MYL5: variants seen among roughly 807,000 people sequenced by gnomAD.
The protein encoded by MYL5 is myosin light chain 5.
A neutral mutation model predicts 20.8 loss-of-function variants in MYL5; 28 were observed. The ratio of observed to expected loss-of-function variants is 1.35; its 90% confidence interval spans 1.00 to 1.84. The LOEUF is 1.84. Among genes scored for constraint, MYL5 ranks in the 40% most tolerant of loss-of-function variants. The pLI, the probability that MYL5 is intolerant of heterozygous loss-of-function variation, is 0.00. For missense variants in MYL5, 274 were observed against 227.3 expected, an observed-to-expected ratio of 1.21 and a Z score of -1.32; for synonymous variants, 118 against 87.4, an observed-to-expected ratio of 1.35 and a Z score of -1.95.
At position 679,965 on chromosome 4, in the gene MYL5, CG is replaced by C. The variant is rs750440096; in HGVS notation, c.243del (p.Ile83SerfsTer7). 1 of 1,613,528 alleles carries C rather than the reference CG, an allele frequency of 6.2e-7. No individual in the cohort carries two copies. The highest frequency in any genetic ancestry group is 8.5e-7 in the Non-Finnish European group (1 of 1,179,856). On this transcript the variant is annotated frameshift_variant, in exon 4 of 7. Transcript: ENST00000400159. LOFTEE classifies it high-confidence loss of function. ...CTGGACGCCATGCTCAAAGAGGCCT[CG>C]GGGCCCATCAACTTCACCATGTTTC...
Position 679,987 on chromosome 4 carries a change from G to A in MYL5, c.261G>A (p.Met87Ile), listed in dbSNP as rs987293988. Residue 87 changes from methionine (M) to isoleucine (I), a missense_variant, in exon 4 of 7, where the codon ATG (methionine) becomes ATA (isoleucine). Physicochemically the swap from Met to Ile is conservative, Grantham distance 10. Transcript: ENST00000400159. ...CCTCGGGGCCCATCAACTTCACCATGTTTCTGAACCTGTTTGGGGAGAAGC... is the reference window on the plus strand; with the variant it reads ...CCTCGGGGCCCATCAACTTCACCATATTTCTGAACCTGTTTGGGGAGAAGC... 5 of 1,613,410 alleles carry A rather than the reference G, an allele frequency of 3.1e-6. No individual in the cohort carries two copies. The highest frequency in any genetic ancestry group is 1.7e-5 in the Admixed American group (1 of 59,928).
At position 681,088 on chromosome 4, in the gene MYL5, T is replaced by G. The variant is rs1200624675; in HGVS notation, c.372-4T>G. 2 of 1,600,192 alleles carry G rather than the reference T, an allele frequency of 1.2e-6. No homozygotes were observed. Among genetic ancestry groups the G allele is most frequent in the East Asian group, 2.2e-5 (1 of 44,480 alleles). ...CCCGCGCTGACCCCTTTCCTCGTCC[T>G]CAGCATCAAGCGTCTGCTGATGTCC... On this transcript the variant is annotated splice_polypyrimidine_tract_variant and splice_region_variant and intron_variant, in intron 5 of 6. Coordinates refer to ENST00000400159, the Ensembl canonical transcript of MYL5.
At position 678,667 on chromosome 4, in the gene MYL5, A is replaced by G. The variant is rs1253147856; in HGVS notation, c.13A>G (p.Lys5Glu). Residue 5 changes from lysine (K) to glutamate (E), a missense_variant, in exon 2 of 7, where the codon AAG (lysine) becomes GAG (glutamate). Physicochemically the swap from Lys to Glu is moderately conservative, Grantham distance 56. Transcript: ENST00000400159. ...GGTGCTCCCACCGCAGGCCAGCAGG[A>G]AGACCAAGAAGAAGGAAGGGGGTGC... 1.9e-6 allele frequency: 3 copies of G among 1,608,446 alleles called. No individual in the cohort carries two copies. In the South Asian group the frequency reaches 3.3e-5, roughly 18 times the overall value.
At chr4:679,416 G>C (rs191717620) in intron 3 of MYL5, among the ~76,000 whole-genome samples, 68 of 152,358 alleles carry the variant, frequency 4.5e-4, no homozygotes, top group Admixed American at 3.0e-3. Flanking sequence ...AGCTGACAGA[G>C]GGCGTGGAGA....
intron 1 of MYL5, 171 bp from the exon 4 acceptor site, chr4:678,487 A>T (rs1393437745): frequency 1.4e-6 from 2 of 1,437,734 alleles, no homozygotes; most frequent in Non-Finnish European, 1.8e-6. Flanking sequence ...TCCTGCCCCC[A>T]ACCCCAGCTA....
upstream of MYL5, chr4:676,036 C>T (rs954971961): frequency 2.0e-4 from 31 of 152,282 alleles, no homozygotes; most frequent in African/African-American, 7.5e-4. Flanking sequence ...TCCCTGAAGA[C>T]TCCTGCCTGA....
chr4:677,996 G>A (rs773083595), exon 1 of MYL5: 1 of 1,613,432 alleles, frequency 6.2e-7, no homozygotes, highest in South Asian at 1.1e-5. Context: ...TGGGGCCCTG[G>A]GCAGACGCAT....
At chr4:680,687 C>A in intron 5 of MYL5, 100 bp downstream of exon 7, 3 of 1,222,986 alleles carry the variant, frequency 2.5e-6, no homozygotes, top group Non-Finnish European at 1.2e-6. Flanking sequence ...CCACGCCCAC[C>A]TCCCCACCTC....
intron 1 of MYL5, chr4:678,407 G>A (rs1421409681): frequency 3.5e-6 from 5 of 1,419,704 alleles, no homozygotes; most frequent in Non-Finnish European, 4.6e-6. Context: ...TGACCACTGT[G>A]CTCTGTGGGC....
intron 3 of MYL5, among the ~76,000 whole-genome samples, chr4:679,506 T>A (rs1199513058): frequency 6.6e-6 from 1 of 152,096 alleles, no homozygotes; most frequent in East Asian, 1.9e-4. Context: ...CTGCGGCACA[T>A]TCTGTTCCCA....
At chr4:678,632 C>G (rs777849199) in intron 1 of MYL5, 26 bp from the exon 4 acceptor site, 2 of 1,588,102 alleles carry the variant, frequency 1.3e-6, no homozygotes, top group Non-Finnish European at 1.7e-6. Flanking sequence ...AGCCCAGGAC[C>G]CTCAGCCATG....
chr4:681,343 C>T (rs1275859962), intron 6 of MYL5, among the ~76,000 whole-genome samples: 15 of 152,104 alleles, frequency 9.9e-5, no homozygotes, highest in Admixed American at 8.5e-4. Flanking sequence ...GAGACCCCTC[C>T]CCTCCGTTAG....
chr4:681,011 G>T, intron 5 of MYL5, 81 bp from the exon 8 acceptor site: 1 of 1,491,786 alleles, frequency 6.7e-7, no homozygotes. Flanking sequence ...ACAACCTGGG[G>T]CCCCTGGAGC....
At chr4:675,606 C>G (rs895169632), upstream of MYL5, 2 of 152,654 alleles carry the variant, frequency 1.3e-5, no homozygotes, top group African/African-American at 4.8e-5. Context: ...GGCTGAGAAA[C>G]TAGGAAGTCA....
intron 3 of MYL5, 197 bp downstream of exon 5, chr4:679,230 G>A: frequency 1.4e-6 from 1 of 698,462 alleles, no homozygotes; most frequent in Admixed American, 2.1e-5. Flanking sequence ...ATCCCAGGGT[G>A]AGACAGGGTG....
chr4:679,726 C>T (rs1021359860), intron 3 of MYL5, among the ~76,000 whole-genome samples, 188 bp from the exon 6 acceptor site: 8 of 152,190 alleles, frequency 5.3e-5, no homozygotes, highest in African/African-American at 1.4e-4. Flanking sequence ...CTGGGGCTCA[C>T]GGTTTGGGGT....
In MYL5 at chr4:681,072, A is replaced by C; in HGVS notation, c.372-20A>C. ...TGCACCCCCGCATCAGCCCGCGCTG[A>C]CCCCTTTCCTCGTCCTCAGCATCAA... On this transcript the variant is annotated intron_variant, in intron 5 of 6. Coordinates refer to ENST00000400159, the Ensembl canonical transcript of MYL5. 3 of 1,588,748 alleles carry C rather than the reference A, an allele frequency of 1.9e-6. 1 individual carries two copies. The African/African-American group carries it at 4.0e-5, about 21-fold the overall frequency.
chr4:681,122 C>G, exon 6 of MYL5: 2 of 1,607,440 alleles, frequency 1.2e-6, no homozygotes, highest in Non-Finnish European at 1.7e-6. Flanking sequence ...CCCAGGCTGA[C>G]AAGATGACGG....
intron 2 of MYL5, 60 bp downstream of exon 4, chr4:678,825 C>G: frequency 1.2e-6 from 2 of 1,607,460 alleles, no homozygotes; most frequent in South Asian, 2.2e-5. Context: ...TGGGAAGACC[C>G]CATGTGGGCT....
Sources: gnomAD v4.1 joint callset for allele counts (sites outside exome capture counted in the v4.1 genomes callset) on GRCh38, gnomAD v4.1.1 for gene constraint, MANE v1.5 for transcripts, NCBI Gene and HGNC (gene_info 2026-07-23, HGNC 2026-07-21) for gene names.